Variants in CACNB4 observed in about 807,000 individuals in gnomAD.
CACNB4 encodes calcium voltage-gated channel auxiliary subunit beta 4.
A neutral mutation model predicts 71.2 loss-of-function variants in CACNB4; 32 were observed. That is an observed-to-expected ratio of 0.45 (90% CI 0.34 to 0.60). CACNB4 has a LOEUF of 0.60. Ranked by LOEUF, CACNB4 falls within the 20% of genes least tolerant of loss-of-function variation. The pLI, the probability that CACNB4 is intolerant of heterozygous loss-of-function variation, is 0.01. For missense variants in CACNB4, 464 were observed against 647.9 expected, an observed-to-expected ratio of 0.72 and a Z score of 3.08; for synonymous variants, 231 against 236.9, an observed-to-expected ratio of 0.97 and a Z score of 0.23.
At chr2:152,014,075 G>T (rs1446350971) in intron 2 of CACNB4, among the ~76,000 whole-genome samples, 2 of 152,224 alleles carry the variant, frequency 1.3e-5, no homozygotes, top group Non-Finnish European at 2.9e-5. Flanking sequence ...TGATGTGGTG[G>T]CTCATGCCTG....
chr2:152,097,831 G>A (rs1259574431), intron 2 of CACNB4, among the ~76,000 whole-genome samples: 1 of 152,158 alleles, frequency 6.6e-6, no homozygotes, highest in African/African-American at 2.4e-5. Context: ...TAAACTTTCT[G>A]CTCAGTGTCT....
chr2:152,044,896 A>C (rs1047866897), intron 2 of CACNB4, among the ~76,000 whole-genome samples: 3 of 152,156 alleles, frequency 2.0e-5, no homozygotes, highest in Non-Finnish European at 4.4e-5. Context: ...TGCACCCAAA[A>C]AGTTAACAAT....
At chr2:151,893,782 T>G (rs1198033578) in intron 2 of CACNB4, among the ~76,000 whole-genome samples, 1 of 152,052 alleles carries the variant, frequency 6.6e-6, no homozygotes, top group Non-Finnish European at 1.5e-5. Context: ...AATACAATAA[T>G]CAGTCAAAAT....
At chr2:152,014,314 T>C (rs1683222110) in intron 2 of CACNB4, among the ~76,000 whole-genome samples, 1 of 152,130 alleles carries the variant, frequency 6.6e-6, no homozygotes, top group South Asian at 2.1e-4. Flanking sequence ...ACCACTGCGC[T>C]CCAGCCTGGG....
chr2:151,886,001 G>C (rs185248368), intron 2 of CACNB4, among the ~76,000 whole-genome samples: 16 of 152,054 alleles, frequency 1.1e-4, no homozygotes, highest in Admixed American at 7.9e-4. Context: ...TTTGTAGAGA[G>C]AGGGCCTTGT....
chr2:151,867,814 C>G (rs921720324), intron 9 of CACNB4: 1 of 152,166 alleles, frequency 6.6e-6, no homozygotes, highest in African/African-American at 2.4e-5. Context: ...GGCTAAGGGC[C>G]CCAAATGACA....
intron 2 of CACNB4, among the ~76,000 whole-genome samples, chr2:152,035,338 T>C (rs554347243): frequency 1.3e-5 from 2 of 152,270 alleles, no homozygotes; most frequent in Non-Finnish European, 2.9e-5. Flanking sequence ...AGGCAGGCAG[T>C]ACACCTGAGG....
chr2:151,842,235 A>C (rs769423608), intron 12 of CACNB4, 147 bp from the exon 13 acceptor site: 116 of 524,696 alleles, frequency 2.2e-4, no homozygotes, highest in Non-Finnish European at 3.5e-4. Context: ...TTCTAAAGTT[A>C]GGGTCAAGTG....
chr2:151,833,199 T>C lies in CACNB4; in HGVS notation c.*5920A>G, dbSNP rs1012695016. The C allele has an allele frequency of 6.6e-6, 1 of 152,114 alleles. No individual in the cohort carries two copies. Among genetic ancestry groups the C allele is most frequent in the Non-Finnish European group, 1.5e-5 (1 of 67,968 alleles). The allele number at this position is 152,114 out of a possible 1,614,324, so 9.4% of individuals were successfully genotyped here. A position where few individuals can be genotyped will look rare whatever the true frequency, so the allele number is the denominator to read the frequency against. ...ACAGCCCTCAGAATAGTAGGAAAAATCTTTTTACATCATTTTGCCATATTT... is the reference window on the plus strand; with the variant it reads ...ACAGCCCTCAGAATAGTAGGAAAAACCTTTTTACATCATTTTGCCATATTT... On this transcript the variant is annotated 3_prime_UTR_variant, in exon 14 of 14. Transcript: ENST00000539935.
At chr2:151,872,603 A>C in intron 5 of CACNB4, 110 bp from the exon 6 acceptor site, 1 of 632,178 alleles carries the variant, frequency 1.6e-6, no homozygotes, top group Admixed American at 3.1e-5. Context: ...TTCAAAACAC[A>C]CCAAATTCTG....
intron 2 of CACNB4, among the ~76,000 whole-genome samples, chr2:152,032,764 G>A (rs539888916): frequency 4.1e-5 from 6 of 147,134 alleles, no homozygotes; most frequent in Non-Finnish European, 7.5e-5. Flanking sequence ...ACCACCCAGG[G>A]CAATATAGTG....
chr2:151,848,019 A>T (rs1205903911), intron 12 of CACNB4, among the ~76,000 whole-genome samples: 2 of 152,218 alleles, frequency 1.3e-5, no homozygotes, highest in Non-Finnish European at 2.9e-5. Flanking sequence ...CTCTCTCTTG[A>T]TAATTTGTGA....
chr2:151,878,427 TA>T (rs1055339101), intron 4 of CACNB4, among the ~76,000 whole-genome samples: 6 of 152,050 alleles, frequency 3.9e-5, no homozygotes, highest in African/African-American at 1.5e-4. Flanking sequence ...GAAATAAATG[TA>T]AATTGAGGGC....
intron 2 of CACNB4, among the ~76,000 whole-genome samples, chr2:152,027,574 G>C (rs1239256864): frequency 6.6e-6 from 1 of 152,128 alleles, no homozygotes; most frequent in Non-Finnish European, 1.5e-5. Context: ...AACCACACAA[G>C]CTTTGGCCCC....
intron 2 of CACNB4, among the ~76,000 whole-genome samples, chr2:152,056,163 C>A (rs1171728872): frequency 2.0e-5 from 3 of 152,046 alleles, no homozygotes; most frequent in Admixed American, 2.0e-4. Flanking sequence ...GAGATCAAGA[C>A]CATCCTGGCT....
intron 2 of CACNB4, among the ~76,000 whole-genome samples, chr2:151,932,824 TAA>T (rs34714238): frequency 5.0e-4 from 35 of 69,874 alleles, no homozygotes; most frequent in Admixed American, 7.2e-4. Context: ...AGACTGGATC[TAA>T]AAAAAAAAAA....
chr2:152,082,140 A>G (rs1158241102), intron 2 of CACNB4, among the ~76,000 whole-genome samples: 1 of 152,280 alleles, frequency 6.6e-6, no homozygotes, highest in Non-Finnish European at 1.5e-5. Flanking sequence ...ATCTCACCAC[A>G]TTTCACAAAT....
chr2:151,986,033 G>T (rs1427820459), intron 2 of CACNB4, among the ~76,000 whole-genome samples: 1 of 152,158 alleles, frequency 6.6e-6, no homozygotes, highest in African/African-American at 2.4e-5. Flanking sequence ...CCCTAGTTAG[G>T]TATCATATCT....
intron 2 of CACNB4, among the ~76,000 whole-genome samples, chr2:152,031,909 G>C (rs1283061583): frequency 6.6e-6 from 1 of 152,186 alleles, no homozygotes; most frequent in Non-Finnish European, 1.5e-5. Flanking sequence ...GAAGCACCGT[G>C]CTGACAGTCT....
Sources: gnomAD v4.1 joint callset for allele counts (sites outside exome capture counted in the v4.1 genomes callset) on GRCh38, gnomAD v4.1.1 for gene constraint, MANE v1.5 for transcripts, NCBI Gene and HGNC (gene_info 2026-07-23, HGNC 2026-07-21) for gene names.